Variants in SPTAN1 observed in about 807,000 individuals in gnomAD.
SPTAN1 encodes the protein spectrin alpha chain, non-erythrocytic 1.
Under a neutral mutation model 331.3 loss-of-function variants are expected in SPTAN1, and 61 were observed. The observed-to-expected ratio is 0.18, with a 90% CI of 0.15 to 0.23. SPTAN1 has a LOEUF of 0.23. Ranked by LOEUF, SPTAN1 falls within the 10% of genes least tolerant of loss-of-function variation. The probability of loss-of-function intolerance (pLI) is 1.00; values close to 1 mark genes in which losing one functional copy is unlikely to be tolerated. For missense variants in SPTAN1, 2,043 were observed against 3,147.9 expected, an observed-to-expected ratio of 0.65 and a Z score of 8.40; for synonymous variants, 1,153 against 1,173.9, an observed-to-expected ratio of 0.98 and a Z score of 0.36.
chr9:128,600,043 A>G (rs756468298), intron 26 of SPTAN1, 37 bp from the exon 27 acceptor site: 20 of 1,613,666 alleles, frequency 1.2e-5, no homozygotes, highest in African/African-American at 5.3e-5. Flanking sequence ...TTCATGGTCA[A>G]TTGCTTGGCT....
chr9:128,583,912 T>C lies in SPTAN1; in HGVS notation c.2136T>C (p.Asn712=), dbSNP rs753802828. Residue 712 remains asparagine, a synonymous_variant, in exon 16 of 57, where the codon AAT becomes AAC. Transcript: ENST00000372739. Reference sequence around the variant, plus strand: ...ATGATTACGGCAAAGATCTTACCAATGTGCAGAACCTCCAGAAGAAACATG... The same window carrying C: ...ATGATTACGGCAAAGATCTTACCAACGTGCAGAACCTCCAGAAGAAACATG... ...ASDDYGKDLT[N]VQNLQKKHAL... is the part of the protein sequence containing the mutation. 1.9e-6 allele frequency: 3 copies of C among 1,614,106 alleles called. No homozygotes were observed. The highest frequency in any genetic ancestry group is 2.5e-6 in the Non-Finnish European group (3 of 1,180,056).
At position 128,593,035 on chromosome 9, in the gene SPTAN1, G is replaced by A. The variant is rs1293677344; in HGVS notation, c.3208G>A (p.Glu1070Lys). The A allele has an allele frequency of 1.2e-6, 2 of 1,609,782 alleles. No homozygotes were observed. The highest frequency in any genetic ancestry group is 4.5e-5 in the East Asian group (2 of 44,856). Residue 1070 changes from glutamate to lysine, a missense_variant, in exon 23 of 57, where the codon GAA becomes AAA. By Grantham distance (56) the Glu-to-Lys change is moderately conservative. Coordinates refer to ENST00000372739, the MANE Select transcript of SPTAN1 (RefSeq NM_001130438.3). ...GSVSLRMKQV[E>K]ELYHSLLELG... ...TGTATCTCTGCGTATGAAGCAGGTG[G>A]AAGAACTGTGAGTAGGCTGAGAGTC...
Position 128,607,978 on chromosome 9 carries a change from C to G in SPTAN1, c.4273C>G (p.Gln1425Glu). The change falls in exon 33 of 57, where the codon CAG (glutamine) becomes GAG (glutamate). Residue 1425 changes from glutamine to glutamate, a missense_variant. Around this residue, in one of 12 missense-constraint regions of SPTAN1, gnomAD observed 179 missense variants for 215.7 expected, o/e 0.83. Transcript: ENST00000372739. ...EIKQKLDILD[Q>E]ERADLEKAWV... ...CAAGCAGAAACTTGATATTCTTGACCAGGAGCGTGCAGACCTGGAGAAGGC... is the reference window on the plus strand; with the variant it reads ...CAAGCAGAAACTTGATATTCTTGACGAGGAGCGTGCAGACCTGGAGAAGGC... 2 of 1,614,068 alleles carry G rather than the reference C, an allele frequency of 1.2e-6. No homozygotes were observed. The highest frequency in any genetic ancestry group is 1.7e-6 in the Non-Finnish European group (2 of 1,180,034).
Position 128,632,220 on chromosome 9 carries a change from A to G in SPTAN1, c.6856A>G (p.Lys2286Glu). Residue 2286 changes from lysine to glutamate, a missense_variant, in exon 53 of 57, where the codon AAG (lysine) becomes GAG (glutamate). Lys to Glu is a moderately conservative substitution (Grantham distance 56, BLOSUM62 1). Coordinates refer to ENST00000372739, the MANE Select transcript of SPTAN1 (RefSeq NM_001130438.3). The stretch of plus-strand genomic sequence containing the variant: ...GGAGGAGGCCCTCATCCTGGACAAC[A>G]AGTACACGGAGCACAGCACCGTGGG... ...AMEEALILDN[K>E]YTEHSTVGLA... is the part of the protein sequence containing the mutation. The G allele has an allele frequency of 6.2e-7, 1 of 1,613,492 alleles. No individual in the cohort carries two copies. Among genetic ancestry groups the G allele is most frequent in the Non-Finnish European group, 8.5e-7 (1 of 1,180,026 alleles).
In SPTAN1 at chr9:128,633,441, G is replaced by A. The variant is rs1279818397; in HGVS notation, c.*107G>A. On this transcript the variant is annotated 3_prime_UTR_variant, in exon 57 of 57. Transcript: ENST00000372739. ...TCCACTGTAACCTTAAGCCTGCTTA[G>A]CTTGGAATAAGACTTAGGAGAAAAT... is the stretch of plus-strand genomic sequence containing the variant. The A allele has an allele frequency of 1.3e-6, 2 of 1,569,252 alleles. No individual in the cohort carries two copies.
At position 128,622,293 on chromosome 9, in the gene SPTAN1, CTTTTTTTT is replaced by C. The variant is rs35122170; in HGVS notation, c.5832+1053_5832+1060del. 2.8e-4 allele frequency among the ~76,000 whole-genome samples: 26 copies of C among 91,512 alleles called. 2 individuals are homozygous for C. In the East Asian group the frequency reaches 0.012, roughly 42 times the overall value. 60.0% of individuals were successfully genotyped at this position (91,512 alleles called of 152,430 possible). ...CAGCCTCCTGGCAACGAGCCAGCTG[CTTTTTTTT>C]TTTTTTTTTTTTTTTGCGACGGAGT... On this transcript the variant is annotated intron_variant, in intron 45 of 56. Coordinates refer to ENST00000372739, the MANE Select transcript of SPTAN1 (RefSeq NM_001130438.3).
chr9:128,595,886 C>G (rs891567692), intron 24 of SPTAN1: 5 of 152,116 alleles, frequency 3.3e-5, no homozygotes, highest in African/African-American at 1.2e-4. Context: ...TTCTGTTGCC[C>G]AGGCTGGAGT....
intron 3 of SPTAN1, among the ~76,000 whole-genome samples, chr9:128,571,572 C>A (rs370501393): frequency 6.6e-6 from 1 of 151,858 alleles, no homozygotes; most frequent in African/African-American, 2.4e-5. Flanking sequence ...GCAACAAGAG[C>A]GAAATTCTGT....
At chr9:128,605,665 G>A (rs956595467) in intron 31 of SPTAN1, among the ~76,000 whole-genome samples, 188 bp downstream of exon 31, 1 of 152,120 alleles carries the variant, frequency 6.6e-6, no homozygotes, top group Non-Finnish European at 1.5e-5. Flanking sequence ...GCTACATGGC[G>A]AAACCCTATT....
intron 31 of SPTAN1, among the ~76,000 whole-genome samples, chr9:128,606,500 G>T (rs370432744): frequency 2.4e-4 from 35 of 144,742 alleles, no homozygotes; most frequent in African/African-American, 9.0e-4. Flanking sequence ...TTTTTTTTGG[G>T]GGGGGAAGCG....
chr9:128,605,385 C>T lies in SPTAN1; in HGVS notation c.3954C>T (p.Asn1318=). 1.2e-6 allele frequency: 2 copies of T among 1,614,214 alleles called. No individual in the cohort carries two copies. Among genetic ancestry groups the T allele is most frequent in the Non-Finnish European group, 1.7e-6 (2 of 1,180,046 alleles). The change falls in exon 31 of 57, where the codon AAC becomes AAT. Residue 1318 remains asparagine (N), a synonymous_variant. Coordinates refer to ENST00000372739, the MANE Select transcript of SPTAN1 (RefSeq NM_001130438.3). The stretch of plus-strand genomic sequence containing the variant: ...TGCAGGAAAAGTGCACAGAGTTAAA[C>T]CAGGCCTGGAGCAGCCTGGGGAAAC... ...EDLQEKCTEL[N]QAWSSLGKRA... is the part of the protein sequence containing the mutation.
At chr9:128,612,625 A>G (rs775031314) in intron 39 of SPTAN1, among the ~76,000 whole-genome samples, 2 of 152,258 alleles carry the variant, frequency 1.3e-5, no homozygotes, top group African/African-American at 2.4e-5. Context: ...AGCACAGACT[A>G]TAAAAACATA....
rs1201451656 is a variant in SPTAN1 at position 128,577,985 on chromosome 9, C to T, written c.1086-125C>T. On this transcript the variant is annotated intron_variant, in intron 8 of 56. Coordinates refer to ENST00000372739, the MANE Select transcript of SPTAN1 (RefSeq NM_001130438.3). This position sits in a 1 kb window ranked among gnomAD's most constrained non-coding sequence, Gnocchi z 4.2. Reference sequence around the variant, plus strand: ...TCTAGATTGGGAAATTTTCATATTTCCCAGAATTAGAATTTATATAGTTTG... The same window carrying T: ...TCTAGATTGGGAAATTTTCATATTTTCCAGAATTAGAATTTATATAGTTTG... The T allele has an allele frequency of 1.6e-6, 2 of 1,212,486 alleles. No homozygotes were observed. The highest frequency in any genetic ancestry group is 2.4e-6 in the Non-Finnish European group (2 of 828,934). The allele number at this position is 1,212,486 out of a possible 1,614,324, so 75.1% of individuals were successfully genotyped here. A position where few individuals can be genotyped will look rare whatever the true frequency, so the allele number is the denominator to read the frequency against.
Position 128,612,385 on chromosome 9 carries a change from T to C in SPTAN1, c.5043+139T>C. 3 of 1,092,152 alleles carry C rather than the reference T, an allele frequency of 2.7e-6. No homozygotes were observed. In the South Asian group the frequency reaches 4.1e-5, roughly 15 times the overall value. 67.7% of individuals were successfully genotyped at this position (1,092,152 alleles called of 1,614,324 possible). On this transcript the variant is annotated intron_variant, in intron 39 of 56. Coordinates refer to ENST00000372739, the MANE Select transcript of SPTAN1 (RefSeq NM_001130438.3). ...GACAGAAACCCTTATTATATATGAG[T>C]TGCATGCTGTAAGGGATTTATGAGC...
chr9:128,568,626 AG>A, intron 2 of SPTAN1, 145 bp from the exon 3 acceptor site: 1 of 1,070,098 alleles, frequency 9.3e-7, no homozygotes, highest in Admixed American at 2.0e-5. Context: ...GGAATTGAGC[AG>A]GTAAGAGAAT....
chr9:128,624,872 G>A (rs763937763), intron 46 of SPTAN1: 10 of 615,446 alleles, frequency 1.6e-5, no homozygotes, highest in Non-Finnish European at 2.6e-5. Flanking sequence ...GTCCTGGGTA[G>A]TAGTAATAGC....
rs1859819525 is a variant in SPTAN1, at chr9:128,631,947, T to C, written c.6763-180T>C. 1.1e-5 allele frequency: 7 copies of C among 643,412 alleles called. No individual in the cohort carries two copies. In the African/African-American group the frequency reaches 1.1e-4, roughly 10 times the overall value. 39.9% of individuals were successfully genotyped at this position (643,412 alleles called of 1,614,324 possible). On this transcript the variant is annotated intron_variant, in intron 52 of 56. Coordinates refer to ENST00000372739, the MANE Select transcript of SPTAN1 (RefSeq NM_001130438.3). ...CTCACATTGAAAGTCTCTCCCTCTA[T>C]TGAGGTGGTTGGGATTTCTTCAGCT...
intron 27 of SPTAN1, 72 bp from the exon 28 acceptor site, chr9:128,603,471 G>A: frequency 6.4e-7 from 1 of 1,560,128 alleles, no homozygotes; most frequent in Non-Finnish European, 8.8e-7. Context: ...CCTAATCAAT[G>A]ACACTTGCAG....
intron 10 of SPTAN1, 49 bp from the exon 11 acceptor site, chr9:128,580,873 G>T: frequency 6.2e-7 from 1 of 1,611,060 alleles, no homozygotes. Context: ...TGCCTCGGAG[G>T]CATTGGGGCT....
Sources: allele counts gnomAD v4.1 joint callset (sites outside exome capture counted in the v4.1 genomes callset), GRCh38; gene constraint gnomAD v4.1.1; regional missense constraint gnomAD v4.1.1; non-coding constraint Gnocchi (gnomAD v3.1); transcripts MANE v1.5; gene names NCBI Gene and HGNC (gene_info 2026-07-23, HGNC 2026-07-21).